Variants in STIM1 observed in about 807,000 individuals in gnomAD.
STIM1 encodes stromal interaction molecule 1.
Under a neutral mutation model 74.7 loss-of-function variants are expected in STIM1, and 25 were observed. The ratio of observed to expected loss-of-function variants is 0.33; its 90% CI spans 0.24 to 0.47. The LOEUF (loss-of-function observed/expected upper bound fraction) is 0.47, where lower values mean the gene tolerates loss of function less well. Ranked by LOEUF, STIM1 falls within the 20% of genes least tolerant of loss-of-function variation. The pLI, the probability that STIM1 is intolerant of heterozygous loss-of-function variation, is 1.00. For synonymous variants in STIM1, 328 were observed against 348.8 expected (o/e 0.94, Z 0.66); for missense variants, 728 against 920.8 (o/e 0.79, Z 2.71).
intron 4 of STIM1, among the ~76,000 whole-genome samples, chr11:4,056,452 C>T (rs920021632): frequency 1.3e-5 from 2 of 152,236 alleles, no homozygotes; most frequent in Admixed American, 6.5e-5. Flanking sequence ...AGCACTTGTG[C>T]TGGGTGCTAG....
chr11:3,985,050 A>G (rs761324714), intron 2 of STIM1, among the ~76,000 whole-genome samples: 1 of 152,174 alleles, frequency 6.6e-6, no homozygotes, highest in African/African-American at 2.4e-5. Flanking sequence ...GAGAGTAGGC[A>G]TAGTTTGCAA....
chr11:3,856,132 G>A lies in STIM1; in HGVS notation c.-139G>A, dbSNP rs1052412462. The A allele has an allele frequency of 6.1e-6, 7 of 1,150,236 alleles. No individual in the cohort carries two copies. Among genetic ancestry groups the A allele is most frequent in the Non-Finnish European group, 8.9e-6 (7 of 785,402 alleles). 71.3% of individuals were successfully genotyped at this position (1,150,236 alleles called of 1,614,324 possible). On this transcript the variant is annotated 5_prime_UTR_variant, in exon 1 of 13. Transcript: ENST00000526596. ...GACCTTTGGCTGTTGGAGGGGGCAG[G>A]CTCGCGGGTGGCTGGACAGCTGCGG... is the stretch of plus-strand genomic sequence containing the variant.
At chr11:3,892,246 A>G (rs74050940) in intron 1 of STIM1, among the ~76,000 whole-genome samples, 16,217 of 152,246 alleles carry the variant, frequency 0.11, 961 homozygotes, top group Middle Eastern at 0.17. Flanking sequence ...GTCATGGAAG[A>G]AAACAGAGAA....
At chr11:3,925,388 C>T (rs1373576463) in intron 1 of STIM1, among the ~76,000 whole-genome samples, 1 of 152,148 alleles carries the variant, frequency 6.6e-6, no homozygotes, top group East Asian at 1.9e-4. Flanking sequence ...AGTGAGACTC[C>T]ATCTCAAAAC....
chr11:4,056,059 A>C (rs570856268), intron 4 of STIM1, among the ~76,000 whole-genome samples: 230 of 152,360 alleles, frequency 1.5e-3, no homozygotes, highest in Non-Finnish European at 2.6e-3. Flanking sequence ...ATCTTGGTGT[A>C]CATCAAACCC....
intron 7 of STIM1, among the ~76,000 whole-genome samples, chr11:4,077,811 C>A (rs2094445501): frequency 6.6e-6 from 1 of 152,116 alleles, no homozygotes; most frequent in South Asian, 2.1e-4. Context: ...TTTAACCCAT[C>A]CAGTGGGTTC....
At chr11:3,999,268 G>A (rs2093690095) in intron 2 of STIM1, among the ~76,000 whole-genome samples, 1 of 152,212 alleles carries the variant, frequency 6.6e-6, no homozygotes, top group African/African-American at 2.4e-5. Context: ...AGCCCAGGAG[G>A]CTGCAGTGAG....
At chr11:4,089,197 T>C in intron 12 of STIM1, 1 of 187,844 alleles carries the variant, frequency 5.3e-6, no homozygotes, top group South Asian at 1.1e-4. Flanking sequence ...CACTCCAGCC[T>C]GGGCAACAGA....
intron 1 of STIM1, among the ~76,000 whole-genome samples, chr11:3,890,458 A>G (rs555508375): frequency 5.9e-5 from 9 of 152,344 alleles, no homozygotes; most frequent in Admixed American, 2.0e-4. Flanking sequence ...AGTAGCACTG[A>G]CAGAGACTCA....
chr11:4,083,474 A>G lies in STIM1; in HGVS notation c.1450A>G (p.Ile484Val). 1.2e-6 allele frequency: 2 copies of G among 1,614,082 alleles called. No homozygotes were observed. The highest frequency in any genetic ancestry group is 1.7e-6 in the Non-Finnish European group (2 of 1,179,978). ...TDDVDDMDEE[I>V]VSPLSMQYAA... Reference sequence around the variant, plus strand: ...CGACGTGGATGACATGGATGAGGAGATTGTGTCTCCCTTGTCCATGCAGTG... The same window carrying G: ...CGACGTGGATGACATGGATGAGGAGGTTGTGTCTCCCTTGTCCATGCAGTG... Residue 484 changes from isoleucine (I) to valine (V), a missense_variant, in exon 10 of 13, where the codon ATT becomes GTT. Transcript: ENST00000526596.
chr11:3,907,510 CA>C (rs1439515572), intron 1 of STIM1, among the ~76,000 whole-genome samples: 2 of 152,178 alleles, frequency 1.3e-5, no homozygotes, highest in Non-Finnish European at 2.9e-5. Flanking sequence ...CTGCACCTAC[CA>C]CCCTGATCCA....
At chr11:3,861,160 A>G (rs977105643) in intron 1 of STIM1, among the ~76,000 whole-genome samples, 3 of 151,184 alleles carry the variant, frequency 2.0e-5, no homozygotes, top group South Asian at 2.1e-4. Flanking sequence ...GAGTTGCTTC[A>G]TTGTTGGCTA....
intron 1 of STIM1, among the ~76,000 whole-genome samples, chr11:3,871,962 A>G (rs2091112440): frequency 6.6e-6 from 1 of 152,152 alleles, no homozygotes; most frequent in South Asian, 2.1e-4. Context: ...GAATTGTCTG[A>G]TGATCTGTTC....
intron 2 of STIM1, among the ~76,000 whole-genome samples, chr11:4,019,573 G>T (rs2093936227): frequency 6.6e-6 from 1 of 151,986 alleles, no homozygotes; most frequent in Admixed American, 6.6e-5. Context: ...TACTTGGGAA[G>T]CTGAGGCAGG....
At chr11:3,893,590 T>C (rs1164267318) in intron 1 of STIM1, among the ~76,000 whole-genome samples, 1 of 152,154 alleles carries the variant, frequency 6.6e-6, no homozygotes, top group African/African-American at 2.4e-5. Context: ...TTCTTGCTCA[T>C]TAGCAATATT....
At chr11:3,980,864 T>C (rs2093497336) in intron 2 of STIM1, among the ~76,000 whole-genome samples, 1 of 152,180 alleles carries the variant, frequency 6.6e-6, no homozygotes, top group Admixed American at 6.6e-5. Context: ...TGGATGCCAG[T>C]AGCAAACCTT....
At chr11:3,876,977 A>C (rs7116457) in intron 1 of STIM1, among the ~76,000 whole-genome samples, 104,615 of 152,022 alleles carry the variant, frequency 0.69, 36,253 homozygotes, top group African/African-American at 0.78. Context: ...CAGCCCCTTT[A>C]CTGAGTGCGT....
chr11:3,863,607 T>C (rs2090729077), intron 1 of STIM1, among the ~76,000 whole-genome samples: 1 of 152,142 alleles, frequency 6.6e-6, no homozygotes, highest in African/African-American at 2.4e-5. Context: ...TCATAAGTTT[T>C]AAATTGCACA....
chr11:3,928,222 A>C (rs1373371441), intron 1 of STIM1, among the ~76,000 whole-genome samples: 1 of 143,360 alleles, frequency 7.0e-6, no homozygotes, highest in Non-Finnish European at 1.5e-5. Flanking sequence ...CCTGCGTAAC[A>C]GTCCATTTTT....
Sources: allele counts gnomAD v4.1 joint callset (sites outside exome capture counted in the v4.1 genomes callset), GRCh38; gene constraint gnomAD v4.1.1; transcripts MANE v1.5; gene names NCBI Gene and HGNC (gene_info 2026-07-23, HGNC 2026-07-21).